Variants in EPS8 observed in about 807,000 individuals in gnomAD.
The protein encoded by EPS8 is epidermal growth factor receptor kinase substrate 8.
EPS8 carries 42 observed loss-of-function variants against 103.8 expected under a neutral mutation model. The observed-to-expected ratio is 0.40, with a 90% CI of 0.32 to 0.52. EPS8 has a LOEUF of 0.52. Ranked by LOEUF, EPS8 falls within the 20% of genes least tolerant of loss-of-function variation. The pLI is 0.40. For synonymous variants in EPS8, 344 were observed against 344.6 expected, an observed-to-expected ratio of 1.00 and a Z score of 0.02; for missense variants, 969 against 1,005.1, an observed-to-expected ratio of 0.96 and a Z score of 0.49.
At chr12:15,629,826 T>A (rs1467417419) in intron 18 of EPS8, among the ~76,000 whole-genome samples, 1 of 152,200 alleles carries the variant, frequency 6.6e-6, no homozygotes, top group Non-Finnish European at 1.5e-5. Context: ...TTTTTTATTT[T>A]TTATTTTATC....
intron 17 of EPS8, among the ~76,000 whole-genome samples, chr12:15,639,774 C>A (rs1262549649): frequency 6.6e-6 from 1 of 152,106 alleles, no homozygotes; most frequent in African/African-American, 2.4e-5. Context: ...TTTTTTAAGC[C>A]TAGATCTGGC....
At position 15,641,706 on chromosome 12, in the gene EPS8, G is replaced by C. The variant is rs902599233; in HGVS notation, c.1677+16C>G. On this transcript the variant is annotated intron_variant, in intron 16 of 20. Coordinates refer to ENST00000281172, the MANE Select transcript of EPS8 (RefSeq NM_004447.6). ...ACTACTTTATTAAGAGTATAAAAAA[G>C]AAAAAATTATATTACCTCTAAAATA... 2 of 1,375,946 alleles carry C rather than the reference G, an allele frequency of 1.5e-6. No individual in the cohort carries two copies. The highest frequency in any genetic ancestry group is 2.2e-5 in the Admixed American group (1 of 45,176). The allele number at this position is 1,375,946 out of a possible 1,614,324, so 85.2% of individuals were successfully genotyped here. A position where few individuals can be genotyped will look rare whatever the true frequency, so the allele number is the denominator to read the frequency against.
chr12:15,719,360 G>T (rs919618757), intron 1 of EPS8, among the ~76,000 whole-genome samples: 5 of 152,104 alleles, frequency 3.3e-5, no homozygotes, highest in African/African-American at 9.7e-5. Flanking sequence ...TTGTTAAAAT[G>T]ATATAGCTTA....
chr12:15,679,570 T>G (rs937322565), intron 3 of EPS8, among the ~76,000 whole-genome samples: 6 of 152,204 alleles, frequency 3.9e-5, no homozygotes, highest in Non-Finnish European at 7.3e-5. Flanking sequence ...GTCTGTAGCA[T>G]CCTCCGACCC....
At position 15,631,548 on chromosome 12, in the gene EPS8, A is replaced by C. The variant is rs748043411; in HGVS notation, c.1938T>G (p.Pro646=). The part of the protein sequence containing the change: ...PLPPSTPAPV[P]VSKVPANITR... The stretch of plus-strand genomic sequence containing the variant: ...TTATATTTGCTGGGACCTTTGACAC[A>C]GGAACAGGTGCTGGAGTGGAAGGGG... The change falls in exon 18 of 21, where the codon CCT becomes CCG. Residue 646 remains proline, a synonymous_variant. Coordinates refer to ENST00000281172, the MANE Select transcript of EPS8 (RefSeq NM_004447.6). 2 of 1,614,034 alleles carry C rather than the reference A, an allele frequency of 1.2e-6. No individual in the cohort carries two copies. The highest frequency in any genetic ancestry group is 2.2e-5 in the South Asian group (2 of 91,064).
At chr12:15,624,538 CT>C in intron 18 of EPS8, 131 bp from the exon 19 acceptor site, 1 of 608,336 alleles carries the variant, frequency 1.6e-6, no homozygotes, top group Non-Finnish European at 2.7e-6. Flanking sequence ...TCTTTCCTCA[CT>C]TTTATCCTCG....
chr12:15,643,739 C>CG (rs1565475374), intron 15 of EPS8, among the ~76,000 whole-genome samples: 5 of 35,688 alleles, frequency 1.4e-4, no homozygotes, highest in Non-Finnish European at 5.9e-5. Flanking sequence ...AACTCTGTCT[C>CG]GAAAAAAAAA....
rs1946542757 is a variant in EPS8, at chr12:15,717,287, G to C, written c.-21-34315C>G. Among the ~76,000 whole-genome samples the C allele has an allele frequency of 6.6e-6, 1 of 151,820 alleles. No homozygotes were observed. Reference sequence around the variant, plus strand: ...GGCTGTAGAGCTAGGATTAAAGGTAGAAAAAACAAAAAAAGGGAGCCAGGC... The same window carrying C: ...GGCTGTAGAGCTAGGATTAAAGGTACAAAAAACAAAAAAAGGGAGCCAGGC... On this transcript the variant is annotated intron_variant, in intron 1 of 20. Coordinates refer to ENST00000281172, the MANE Select transcript of EPS8 (RefSeq NM_004447.6). This position sits in a 1 kb window ranked among gnomAD's most constrained non-coding sequence, Gnocchi z 4.3.
chr12:15,628,888 A>T (rs1944994933), intron 18 of EPS8, among the ~76,000 whole-genome samples: 2 of 152,236 alleles, frequency 1.3e-5, no homozygotes, highest in Non-Finnish European at 2.9e-5. Context: ...AATATGTGCT[A>T]CTGTCTGGTT....
chr12:15,722,074 A>T (rs1830724738), intron 1 of EPS8, among the ~76,000 whole-genome samples: 1 of 151,746 alleles, frequency 6.6e-6, no homozygotes, highest in South Asian at 2.1e-4. Flanking sequence ...ACTATGAATG[A>T]TTTCTCATTG....
chr12:15,753,201 T>G (rs1946951364), intron 1 of EPS8, among the ~76,000 whole-genome samples: 2 of 152,154 alleles, frequency 1.3e-5, no homozygotes, highest in Non-Finnish European at 1.5e-5. Flanking sequence ...TCCGAAACAT[T>G]ATCAAGAAAA....
chr12:15,685,583 G>A (rs536314731), intron 1 of EPS8, among the ~76,000 whole-genome samples: 57 of 152,236 alleles, frequency 3.7e-4, no homozygotes, highest in Middle Eastern at 3.4e-3. Context: ...TGATCTGTTA[G>A]AATAAGAGAA....
At chr12:15,691,846 CT>C (rs1328916540) in intron 1 of EPS8, among the ~76,000 whole-genome samples, 8 of 152,088 alleles carry the variant, frequency 5.3e-5, no homozygotes, top group Non-Finnish European at 1.0e-4. Context: ...TAATAATTAT[CT>C]TTCCCCCCAA....
intron 18 of EPS8, among the ~76,000 whole-genome samples, chr12:15,625,446 T>C (rs2135714608): frequency 6.6e-6 from 1 of 152,310 alleles, no homozygotes. Context: ...ACTGCCCATT[T>C]TTCTGCTCCT....
Position 15,717,449 on chromosome 12 carries a change from C to T in EPS8, c.-21-34477G>A, listed in dbSNP as rs1309344446. Among the ~76,000 whole-genome samples the T allele has an allele frequency of 1.3e-5, 2 of 151,870 alleles. No homozygotes were observed. Among genetic ancestry groups the T allele is most frequent in the South Asian group, 2.1e-4 (1 of 4,804 alleles). On this transcript the variant is annotated intron_variant, in intron 1 of 20. Coordinates refer to ENST00000281172, the MANE Select transcript of EPS8 (RefSeq NM_004447.6). This position sits in a 1 kb window ranked among gnomAD's most constrained non-coding sequence, Gnocchi z 4.3. ...TAAAAATACAAAAATTAGCTGGGCGCGGTGGCACGTGCCTGTAATCCCAGC... is the reference window on the plus strand; with the variant it reads ...TAAAAATACAAAAATTAGCTGGGCGTGGTGGCACGTGCCTGTAATCCCAGC...
chr12:15,663,939 A>ATAATAAT (rs61385343), intron 8 of EPS8, among the ~76,000 whole-genome samples: 1 of 63,798 alleles, frequency 1.6e-5, no homozygotes, highest in African/African-American at 9.8e-5. Context: ...AAAAAAAAAA[A>ATAATAAT]AAAAAAATAA....
At chr12:15,664,319 T>C (rs947487499) in intron 8 of EPS8, among the ~76,000 whole-genome samples, 1 of 152,082 alleles carries the variant, frequency 6.6e-6, no homozygotes, top group Non-Finnish European at 1.5e-5. Flanking sequence ...GAATTCTTTT[T>C]TTCATATCTT....
At position 15,764,854 on chromosome 12, in the gene EPS8, TAA is replaced by T. The variant is rs755023490; in HGVS notation, c.-22+24305_-22+24306del. Reference sequence around the variant, plus strand: ...TGAAGATCTAATACAAGTAATTCAATAAAAAAACAAGTAGTATCTACAACCAT... The same window carrying T: ...TGAAGATCTAATACAAGTAATTCAATAAAAACAAGTAGTATCTACAACCAT... On this transcript the variant is annotated intron_variant, in intron 1 of 20. Transcript: ENST00000281172. This position sits in a 1 kb window ranked among gnomAD's most constrained non-coding sequence, Gnocchi z 4.1. 1.3e-5 allele frequency among the ~76,000 whole-genome samples: 2 copies of T among 152,030 alleles called. No individual in the cohort carries two copies. The highest frequency in any genetic ancestry group is 4.1e-4 in the South Asian group (2 of 4,830).
intron 8 of EPS8, among the ~76,000 whole-genome samples, chr12:15,663,835 T>C (rs1044401662): frequency 6.8e-6 from 1 of 146,838 alleles, no homozygotes; most frequent in African/African-American, 2.6e-5. Context: ...GGCAGGAGAA[T>C]CGCTTGAACC....
Sources: allele counts gnomAD v4.1 joint callset (sites outside exome capture counted in the v4.1 genomes callset), GRCh38; gene constraint gnomAD v4.1.1; non-coding constraint Gnocchi (gnomAD v3.1); transcripts MANE v1.5; gene names NCBI Gene and HGNC (gene_info 2026-07-23, HGNC 2026-07-21).